Variants in DZIP1L observed in about 807,000 individuals in gnomAD.
DZIP1L encodes the protein DAZ interacting zinc finger protein 1 like, also known as cilium assembly protein DZIP1L.
In DZIP1L, 90 loss-of-function variants were observed where a neutral mutation model predicts 88.7. That is an observed-to-expected ratio of 1.02 (90% CI 0.86 to 1.21). The LOEUF is 1.21. Among genes scored for constraint, DZIP1L ranks in the 50% most tolerant of loss-of-function variants. DZIP1L has a pLI of 0.00. For missense variants in DZIP1L, 932 were observed against 955.8 expected (o/e 0.98, Z 0.33); for synonymous variants, 363 against 372.1 (o/e 0.98, Z 0.28).
chr3:138,086,900 C>A, intron 7 of DZIP1L, 61 bp downstream of exon 7: 2 of 1,572,782 alleles, frequency 1.3e-6, no homozygotes, highest in Non-Finnish European at 8.7e-7. Flanking sequence ...GTGGAGAATG[C>A]TGAATTCTGA....
rs1198800081 is a variant in DZIP1L at position 138,103,646 on chromosome 3, G to A, written c.326C>T (p.Ala109Val). The change falls in exon 2 of 16, where the codon GCC (alanine) becomes GTC (valine). Residue 109 changes from alanine (A) to valine (V), a missense_variant. Transcript: ENST00000327532. Reference sequence around the variant, plus strand: ...GGTCTGCAGCCGTGCCTCCAGCTGGGCAACACTGGCACTCAGGCAATCCTG... The same window carrying A: ...GGTCTGCAGCCGTGCCTCCAGCTGGACAACACTGGCACTCAGGCAATCCTG... ...HCQDCLSASVAQLEARLQTSL... is the reference protein window; with the variant it reads ...HCQDCLSASVVQLEARLQTSL... 1 of 1,607,990 alleles carries A rather than the reference G, an allele frequency of 6.2e-7. No homozygotes were observed. The highest frequency in any genetic ancestry group is 1.7e-5 in the Admixed American group (1 of 59,830).
rs1942742401 is a variant in DZIP1L, at chr3:138,062,319, C to A, written c.*497G>T. The A allele has an allele frequency of 6.4e-6, 1 of 155,784 alleles. No homozygotes were observed. The highest frequency in any genetic ancestry group is 6.2e-5 in the Admixed American group (1 of 16,200). 9.7% of individuals were successfully genotyped at this position (155,784 alleles called of 1,614,324 possible). On this transcript the variant is annotated 3_prime_UTR_variant, in exon 16 of 16. Coordinates refer to ENST00000327532, the MANE Select transcript of DZIP1L (RefSeq NM_173543.3). Reference sequence around the variant, plus strand: ...CTGGCTGTAAACATTCTGCCCCAGCCTCTGCCTGCACCCTAACTCAGTAGT... The same window carrying A: ...CTGGCTGTAAACATTCTGCCCCAGCATCTGCCTGCACCCTAACTCAGTAGT...
chr3:138,088,605 C>T (rs1944063171), intron 5 of DZIP1L, 98 bp from the exon 6 acceptor site: 1 of 1,446,218 alleles, frequency 6.9e-7, no homozygotes, highest in Non-Finnish European at 9.1e-7. Flanking sequence ...CCTTACCCAA[C>T]TCATCCTCCC....
At chr3:138,103,047 T>TCA (rs2042368868) in intron 2 of DZIP1L, 1 of 433,800 alleles carries the variant, frequency 2.3e-6, no homozygotes, top group African/African-American at 2.0e-5. Context: ...GTATCCTTTA[T>TCA]AACATAGTAC....
chr3:138,092,617 G>A (rs1944292761), intron 4 of DZIP1L, 73 bp from the exon 5 acceptor site: 1 of 1,437,038 alleles, frequency 7.0e-7, no homozygotes, highest in Non-Finnish European at 9.2e-7. Context: ...AACCTACTTA[G>A]GCCTCCTTGT....
chr3:138,097,918 C>CA, intron 2 of DZIP1L, 71 bp from the exon 3 acceptor site: 21 of 1,349,054 alleles, frequency 1.6e-5, no homozygotes, highest in Non-Finnish European at 2.2e-5. Context: ...TTCCCTATAT[C>CA]AAAGCCCCCA....
intron 12 of DZIP1L, among the ~76,000 whole-genome samples, chr3:138,070,154 G>A (rs186025125): frequency 1.2e-4 from 19 of 152,176 alleles, no homozygotes; most frequent in Non-Finnish European, 2.5e-4. Flanking sequence ...TCCCTCCTCT[G>A]AGCTCCCACC....
At chr3:138,094,267 A>G (rs1559850960) in intron 4 of DZIP1L, among the ~76,000 whole-genome samples, 1 of 152,266 alleles carries the variant, frequency 6.6e-6, no homozygotes, top group Non-Finnish European at 1.5e-5. Flanking sequence ...ATACTGTTGG[A>G]AAATGATGCT....
rs1335255551 is a variant in DZIP1L, at chr3:138,063,360, T to C, written c.2143-383A>G. 6.6e-6 allele frequency among the ~76,000 whole-genome samples: 1 copy of C among 152,214 alleles called. No homozygotes were observed. Among genetic ancestry groups the C allele is most frequent in the Non-Finnish European group, 1.5e-5 (1 of 68,038 alleles). ...TTCCAAGTTCGCGAGCTGAATGCAC[T>C]GTGGGCTAATGACCCGCCTCCTCTC... On this transcript the variant is annotated intron_variant, in intron 15 of 15. Transcript: ENST00000327532. This position sits in a 1 kb window ranked among gnomAD's most constrained non-coding sequence, Gnocchi z 4.1.
chr3:138,084,191 G>C lies in DZIP1L; in HGVS notation c.1125C>G (p.Ala375=). Residue 375 remains alanine, a synonymous_variant, in exon 8 of 16, where the codon GCC becomes GCG. Transcript: ENST00000327532. ...SLSQDQKKAA[A]QSQCQISTLR... ...GGGTGCTGATCTGGCACTGGGACTG[G>C]GCAGCTGCCTTCTTCTGATCCTGAG... is the stretch of plus-strand genomic sequence containing the variant. 1 of 1,614,196 alleles carries C rather than the reference G, an allele frequency of 6.2e-7. No homozygotes were observed. The highest frequency in any genetic ancestry group is 1.1e-5 in the South Asian group (1 of 91,088).
intron 2 of DZIP1L, chr3:138,102,701 G>T: frequency 1.1e-6 from 1 of 893,390 alleles, no homozygotes; most frequent in Non-Finnish European, 1.9e-6. Context: ...AGGGGGCTCA[G>T]CAGGCTCTGG....
In DZIP1L at chr3:138,063,702, G is replaced by A. The variant is rs967291103; in HGVS notation, c.2143-725C>T. On this transcript the variant is annotated intron_variant, in intron 15 of 15. Coordinates refer to ENST00000327532, the MANE Select transcript of DZIP1L (RefSeq NM_173543.3). This position sits in a 1 kb window ranked among gnomAD's most constrained non-coding sequence, Gnocchi z 4.1. ...GGGCAGCAAGCATGCTCTGAGCGGC[G>A]CCTCAATCTGTTTGGGGCTGTTGGT... Among the ~76,000 whole-genome samples the A allele has an allele frequency of 3.3e-5, 5 of 152,246 alleles. No homozygotes were observed. The highest frequency in any genetic ancestry group is 7.2e-5 in the African/African-American group (3 of 41,470).
chr3:138,083,478 G>C (rs1367218640), intron 8 of DZIP1L, among the ~76,000 whole-genome samples: 1 of 152,176 alleles, frequency 6.6e-6, no homozygotes, highest in Non-Finnish European at 1.5e-5. Flanking sequence ...ACTCAGCCTC[G>C]ACTGGGCAGA....
At position 138,062,142 on chromosome 3, in the gene DZIP1L, T is replaced by C. The variant is rs1942738723; in HGVS notation, c.*674A>G. On this transcript the variant is annotated 3_prime_UTR_variant, in exon 16 of 16. Transcript: ENST00000327532. ...TTTGGGGATACAAGGTCCAGCCAAG[T>C]GGCCATCCTCCCTTCCCACCCATGA... is the stretch of plus-strand genomic sequence containing the variant. 1 of 152,586 alleles carries C rather than the reference T, an allele frequency of 6.6e-6. No individual in the cohort carries two copies. Among genetic ancestry groups the C allele is most frequent in the Non-Finnish European group, 1.5e-5 (1 of 68,048 alleles). 9.5% of individuals were successfully genotyped at this position (152,586 alleles called of 1,614,324 possible). A position where few individuals can be genotyped will look rare whatever the true frequency, so the allele number is the denominator to read the frequency against.
At chr3:138,092,966 C>T (rs1944306429) in intron 4 of DZIP1L, among the ~76,000 whole-genome samples, 1 of 152,196 alleles carries the variant, frequency 6.6e-6, no homozygotes, top group Non-Finnish European at 1.5e-5. Context: ...TTCATCCAAA[C>T]TCCTGTTAAT....
At chr3:138,099,119 A>C (rs1287674751) in intron 2 of DZIP1L, among the ~76,000 whole-genome samples, 2 of 152,126 alleles carry the variant, frequency 1.3e-5, no homozygotes, top group African/African-American at 4.8e-5. Flanking sequence ...ACAGAGTGAG[A>C]CCCTGTCTCA....
At chr3:138,115,144 G>A (rs2042671628) in intron 1 of DZIP1L, among the ~76,000 whole-genome samples, 184 bp downstream of exon 1, 1 of 152,054 alleles carries the variant, frequency 6.6e-6, no homozygotes, top group Non-Finnish European at 1.5e-5. Flanking sequence ...AGAAGGGCGC[G>A]CCCTGGGCAG....
chr3:138,081,199 G>A (rs1376269397), intron 9 of DZIP1L, among the ~76,000 whole-genome samples: 12 of 152,120 alleles, frequency 7.9e-5, no homozygotes. Flanking sequence ...GCTGTCCAAG[G>A]TCCTCTAAAC....
At chr3:138,082,172 T>C (rs1490035594) in intron 8 of DZIP1L, among the ~76,000 whole-genome samples, 1 of 151,734 alleles carries the variant, frequency 6.6e-6, no homozygotes, top group Non-Finnish European at 1.5e-5. Flanking sequence ...GAGGAAGGAG[T>C]CAGACACATT....
Sources: allele counts gnomAD v4.1 joint callset (sites outside exome capture counted in the v4.1 genomes callset), GRCh38; gene constraint gnomAD v4.1.1; non-coding constraint Gnocchi (gnomAD v3.1); transcripts MANE v1.5; gene names NCBI Gene and HGNC (gene_info 2026-07-23, HGNC 2026-07-21).